The following NPC1 variants were observed in gnomAD, a reference collection of about 807,000 sequenced individuals.
NPC1 encodes the protein NPC intracellular cholesterol transporter 1.
A neutral mutation model predicts 140.4 loss-of-function variants in NPC1; 85 were observed. That is an observed-to-expected ratio of 0.61 (90% CI 0.51 to 0.72). The LOEUF (loss-of-function observed/expected upper bound fraction) is 0.72, where lower values mean the gene tolerates loss of function less well. Among genes scored for constraint, NPC1 ranks in the 30% least tolerant of loss-of-function variants. The probability of loss-of-function intolerance (pLI) is 0.00; values close to 1 mark genes in which losing one functional copy is unlikely to be tolerated. For missense variants in NPC1, 1,504 were observed against 1,623.8 expected, an observed-to-expected ratio of 0.93 and a Z score of 1.27; for synonymous variants, 656 against 624.8, an observed-to-expected ratio of 1.05 and a Z score of -0.74.
Position 23,538,558 on chromosome 18 carries a change from G to A in NPC1, c.3025C>T (p.Pro1009Ser). The A allele has an allele frequency of 1.2e-6, 2 of 1,614,090 alleles. No homozygotes were observed. Among genetic ancestry groups the A allele is most frequent in the Non-Finnish European group, 1.7e-6 (2 of 1,180,006 alleles). Reference sequence around the variant, plus strand: ...AGCACTTACCCTTTGCCACACTTGGGGTTAGGGTTATCCGAAAGGAACATG... The same window carrying A: ...AGCACTTACCCTTTGCCACACTTGGAGTTAGGGTTATCCGAAAGGAACATG... Reference protein sequence around the residue: ...LPMFLSDNPNPKCGKGGHAAY... With the variant: ...LPMFLSDNPNSKCGKGGHAAY... Residue 1009 changes from proline (P) to serine (S), a missense_variant, in exon 20 of 25, where the codon CCC becomes TCC. Coordinates refer to ENST00000269228, the MANE Select transcript of NPC1 (RefSeq NM_000271.5).
chr18:23,527,945 C>A (rs753271426), downstream of NPC1: 5 of 1,443,698 alleles, frequency 3.5e-6, no homozygotes, highest in South Asian at 6.1e-5. Context: ...TCCCCCACCC[C>A]CTCCCGGGTA....
At chr18:23,562,106 A>T (rs1419174494) in intron 4 of NPC1, among the ~76,000 whole-genome samples, 1 of 152,098 alleles carries the variant, frequency 6.6e-6, no homozygotes, top group Non-Finnish European at 1.5e-5. Context: ...TGGCTAACAC[A>T]GTGAAACCCC....
At chr18:23,512,845 G>C (rs2057899297) in intron 3 of NPC1, among the ~76,000 whole-genome samples, 1 of 152,220 alleles carries the variant, frequency 6.6e-6, no homozygotes, top group South Asian at 2.1e-4. Context: ...TTATGAAATA[G>C]CTCCAGAACT....
chr18:23,564,096 T>C (rs987352539), intron 4 of NPC1, among the ~76,000 whole-genome samples: 3 of 148,950 alleles, frequency 2.0e-5, no homozygotes, highest in African/African-American at 7.4e-5. Flanking sequence ...GCAATTCTCC[T>C]GCCTCAGCCT....
intron 14 of NPC1, 28 bp downstream of exon 14, chr18:23,543,427 G>A: frequency 7.8e-7 from 1 of 1,285,398 alleles, no homozygotes; most frequent in Non-Finnish European, 1.1e-6. Flanking sequence ...GCAGACTACA[G>A]GACTGGTAGG....
downstream of NPC1, chr18:23,527,874 C>T (rs750164433): frequency 1.2e-6 from 2 of 1,613,944 alleles, no homozygotes; most frequent in South Asian, 1.1e-5. Context: ...ATAAAAAGTA[C>T]CTGGATGCCG....
chr18:23,534,839 G>A (rs748505111), intron 22 of NPC1, among the ~76,000 whole-genome samples: 9 of 152,180 alleles, frequency 5.9e-5, no homozygotes, highest in African/African-American at 1.9e-4. Flanking sequence ...CACCCGCACC[G>A]AGCTGGCGCA....
At chr18:23,585,913 G>A (rs1335501566) in intron 1 of NPC1, among the ~76,000 whole-genome samples, 1 of 152,188 alleles carries the variant, frequency 6.6e-6, no homozygotes, top group Non-Finnish European at 1.5e-5. Flanking sequence ...AAATAAAGTG[G>A]TTAGAGCTCC....
At chr18:23,541,542 C>T (rs191781170) in intron 14 of NPC1, 109 bp from the exon 15 acceptor site, 263 of 1,431,582 alleles carry the variant, frequency 1.8e-4, no homozygotes, top group Non-Finnish European at 2.3e-4. Flanking sequence ...ACAGGCCAAA[C>T]GCATGAGAAG....
chr18:23,535,403 TA>T, intron 22 of NPC1, 65 bp downstream of exon 22: 1 of 1,170,832 alleles, frequency 8.5e-7, no homozygotes, highest in Non-Finnish European at 1.3e-6. Flanking sequence ...ACATGGAATC[TA>T]AGACAGCCAA....
downstream of NPC1, among the ~76,000 whole-genome samples, chr18:23,521,693 CTCT>C (rs746558804): frequency 1.7e-3 from 119 of 68,902 alleles, 1 homozygote; most frequent in African/African-American, 8.3e-3. Flanking sequence ...CACACTCTCT[CTCT>C]TTTTTTTTTT....
downstream of NPC1, chr18:23,527,725 G>C: frequency 8.2e-7 from 1 of 1,218,096 alleles, no homozygotes; most frequent in Non-Finnish European, 1.2e-6. Flanking sequence ...TTTTATCATA[G>C]CAACGTGTGG....
In NPC1 at chr18:23,572,208, G is replaced by C. The variant is rs761645198; in HGVS notation, c.181-28C>G. On this transcript the variant is annotated intron_variant, in intron 2 of 24. Coordinates refer to ENST00000269228, the MANE Select transcript of NPC1 (RefSeq NM_000271.5). ...TTCAGGTGAAAGAGCACAGACACGG[G>C]AGTAGGCAACAGTTAGAGTAAGGTC... 3 of 1,500,618 alleles carry C rather than the reference G, an allele frequency of 2.0e-6. No individual in the cohort carries two copies. In the South Asian group the frequency reaches 3.4e-5, roughly 17 times the overall value. The allele number at this position is 1,500,618 out of a possible 1,614,324, so 93.0% of individuals were successfully genotyped here.
rs181276996 is a variant in NPC1 at position 23,568,089 on chromosome 18, A to G, written c.463+734T>C. Among the ~76,000 whole-genome samples, 721 of 152,334 alleles carry G rather than the reference A, an allele frequency of 4.7e-3. 5 individuals carry two copies. The highest frequency in any genetic ancestry group is 0.017 in the African/African-American group (689 of 41,568). ...TTTTTTATTTTCTGTAAAAATTAAA[A>G]TTAGATAAATATAATCTATTTTCTC... On this transcript the variant is annotated intron_variant, in intron 4 of 24. Coordinates refer to ENST00000269228, the MANE Select transcript of NPC1 (RefSeq NM_000271.5).
downstream of NPC1, chr18:23,529,749 A>T (rs778481229): frequency 1.7e-5 from 26 of 1,563,774 alleles, no homozygotes; most frequent in Middle Eastern, 5.0e-4. Context: ...TTAAAACAGA[A>T]GGAATTTAAA....
At chr18:23,528,787 C>T (rs1422550073), downstream of NPC1, 1 of 169,814 alleles carries the variant, frequency 5.9e-6, no homozygotes, top group Non-Finnish European at 1.3e-5. Context: ...GTGTGGGCCA[C>T]TGACCAGCCA....
intron 1 of NPC1, among the ~76,000 whole-genome samples, chr18:23,575,161 C>T (rs1341869907): frequency 1.3e-5 from 2 of 152,206 alleles, no homozygotes; most frequent in Non-Finnish European, 2.9e-5. Flanking sequence ...GATGTGCAGT[C>T]AACACACTGC....
Position 23,533,478 on chromosome 18 carries a change from C to T in NPC1, c.3631G>A (p.Val1211Met). 6.2e-7 allele frequency: 1 copy of T among 1,614,220 alleles called. No homozygotes were observed. ...GITLTKFGGI[V>M]VLAFAKSQIF... ...TGAGATTTGGCAAAAGCCAACACCA[C>T]AATCCCTCCAAATTTTGTAAGTGTG... The change falls in exon 24 of 25, where the codon GTG (valine) becomes ATG (methionine). Residue 1211 changes from valine (V) to methionine (M), a missense_variant. Transcript: ENST00000269228.
At chr18:23,524,342 A>G (rs1359545418), downstream of NPC1, 8 of 1,524,628 alleles carry the variant, frequency 5.2e-6, no homozygotes, top group South Asian at 2.3e-5. Flanking sequence ...GACTCAGTAC[A>G]TGGTGGGCAG....
Sources: allele counts gnomAD v4.1 joint callset (sites outside exome capture counted in the v4.1 genomes callset), GRCh38; gene constraint gnomAD v4.1.1; transcripts MANE v1.5; gene names NCBI Gene and HGNC (gene_info 2026-07-23, HGNC 2026-07-21).